The following WLS variants were observed in gnomAD, a reference collection of about 807,000 sequenced individuals.
WLS encodes protein wntless homolog.
Under a neutral mutation model 62.8 loss-of-function variants are expected in WLS, and 23 were observed. That is an observed-to-expected ratio of 0.37 (90% CI 0.26 to 0.52). The LOEUF is 0.52. Among genes scored for constraint, WLS ranks in the 20% least tolerant of loss-of-function variants. The probability of loss-of-function intolerance (pLI) is 0.92; values close to 1 mark genes in which losing one functional copy is unlikely to be tolerated. For missense variants in WLS, 615 were observed against 697.3 expected (o/e 0.88, Z 1.33); for synonymous variants, 246 against 244.1 (o/e 1.01, Z -0.07).
intron 11 of WLS, among the ~76,000 whole-genome samples, chr1:68,130,442 A>G (rs1646502178): frequency 6.6e-6 from 1 of 152,168 alleles, no homozygotes; most frequent in Non-Finnish European, 1.5e-5. Flanking sequence ...ATTCCAAACC[A>G]TCTGTGTCTA....
At chr1:68,224,469 G>C (rs1016071580) in intron 1 of WLS, among the ~76,000 whole-genome samples, 1 of 152,040 alleles carries the variant, frequency 6.6e-6, no homozygotes, top group Non-Finnish European at 1.5e-5. Context: ...CAGGACCTAC[G>C]ATGTATGCTA....
At chr1:68,106,716 CTGTGTGTGTGTG>C (rs59601112) in intron 11 of WLS, among the ~76,000 whole-genome samples, 4 of 146,712 alleles carry the variant, frequency 2.7e-5, no homozygotes, top group Non-Finnish European at 6.0e-5. Context: ...GTGTTTGTCA[CTGTGTGTGTGTG>C]TGTGTGTGTG....
chr1:68,190,706 G>C (rs1648242710), intron 2 of WLS, among the ~76,000 whole-genome samples: 1 of 152,124 alleles, frequency 6.6e-6, no homozygotes, highest in Admixed American at 6.5e-5. Flanking sequence ...CCTTGAGAGA[G>C]TTTGAGCCAG....
intron 11 of WLS, among the ~76,000 whole-genome samples, chr1:68,130,378 A>G (rs1431829482): frequency 4.6e-5 from 7 of 152,172 alleles, no homozygotes; most frequent in African/African-American, 1.7e-4. Context: ...GAGCTCCCAT[A>G]CCATGAGTTC....
intron 6 of WLS, among the ~76,000 whole-genome samples, chr1:68,149,062 A>G (rs1646791238): frequency 6.6e-6 from 1 of 152,274 alleles, no homozygotes. Context: ...AAGACATTAA[A>G]GCATTTAAAT....
intron 1 of WLS, among the ~76,000 whole-genome samples, chr1:68,205,369 T>C (rs1191143892): frequency 2.0e-5 from 3 of 152,216 alleles, no homozygotes; most frequent in African/African-American, 4.8e-5. Context: ...AGAAATTAGA[T>C]AGTAGGCAAA....
intron 9 of WLS, 123 bp downstream of exon 9, chr1:68,145,746 T>G: frequency 6.8e-7 from 1 of 1,471,304 alleles, no homozygotes. Context: ...AGATCCTACA[T>G]GAGAATCTCT....
At chr1:68,169,028 C>A (rs1570938914) in intron 2 of WLS, among the ~76,000 whole-genome samples, 1 of 152,206 alleles carries the variant, frequency 6.6e-6, no homozygotes, top group Non-Finnish European at 1.5e-5. Context: ...AATTATTTTG[C>A]AAACCAGCCT....
At chr1:68,108,202 A>C (rs549254070) in intron 11 of WLS, among the ~76,000 whole-genome samples, 1 of 152,304 alleles carries the variant, frequency 6.6e-6, no homozygotes, top group African/African-American at 2.4e-5. Flanking sequence ...ATGTTAGGAC[A>C]GGGAAGACTG....
chr1:68,127,556 A>G (rs1646452809), intron 11 of WLS, among the ~76,000 whole-genome samples: 1 of 142,254 alleles, frequency 7.0e-6, no homozygotes, highest in African/African-American at 2.6e-5. Context: ...GGAAAACGCA[A>G]CCACGCTCAG....
At chr1:68,149,032 G>A (rs1446094225) in intron 6 of WLS, among the ~76,000 whole-genome samples, 1 of 152,180 alleles carries the variant, frequency 6.6e-6, no homozygotes, top group Non-Finnish European at 1.5e-5. Flanking sequence ...AAAAGTGACT[G>A]ATCCTCAGAA....
At chr1:68,176,724 A>T (rs1305281705) in intron 2 of WLS, among the ~76,000 whole-genome samples, 1 of 152,216 alleles carries the variant, frequency 6.6e-6, no homozygotes, top group Non-Finnish European at 1.5e-5. Flanking sequence ...CATGATAGAA[A>T]AATATGGTCT....
intron 2 of WLS, among the ~76,000 whole-genome samples, chr1:68,166,178 C>A (rs1306415595): frequency 6.6e-6 from 1 of 152,148 alleles, no homozygotes; most frequent in Non-Finnish European, 1.5e-5. Flanking sequence ...ATGAAGTGGA[C>A]AGAATATTTT....
intron 1 of WLS, chr1:68,231,873 C>T (rs1386698757): frequency 8.1e-6 from 2 of 248,106 alleles, no homozygotes; most frequent in East Asian, 1.8e-4. Flanking sequence ...GGGGGGGGGG[C>T]GAGCAATCAA....
At chr1:68,131,924 CAG>C (rs1412167349) in intron 11 of WLS, among the ~76,000 whole-genome samples, 10 of 152,156 alleles carry the variant, frequency 6.6e-5, no homozygotes, top group Non-Finnish European at 8.8e-5. Flanking sequence ...ACAAGCCAGA[CAG>C]AGAGGTCTCG....
intron 1 of WLS, among the ~76,000 whole-genome samples, chr1:68,224,168 A>G (rs1275677632): frequency 6.6e-6 from 1 of 152,140 alleles, no homozygotes; most frequent in Non-Finnish European, 1.5e-5. Flanking sequence ...AAGAAAGAAT[A>G]CCCCTTGGCC....
intron 11 of WLS, among the ~76,000 whole-genome samples, chr1:68,107,850 C>G (rs1238729425): frequency 6.6e-6 from 1 of 152,092 alleles, no homozygotes; most frequent in Non-Finnish European, 1.5e-5. Flanking sequence ...GATTCAGACC[C>G]GGGTCTGCGG....
chr1:68,104,745 C>A (rs949693605), intron 11 of WLS, among the ~76,000 whole-genome samples: 5 of 152,154 alleles, frequency 3.3e-5, no homozygotes, highest in African/African-American at 4.8e-5. Context: ...GAGACCTCAT[C>A]TCTACTAAAA....
At chr1:68,136,470 G>A (rs1470076546) in intron 11 of WLS, among the ~76,000 whole-genome samples, 3 of 152,164 alleles carry the variant, frequency 2.0e-5, no homozygotes, top group Admixed American at 1.3e-4. Flanking sequence ...CCTAAAGAAA[G>A]GGTGCCAGGG....
Sources: gnomAD v4.1 joint callset for allele counts (sites outside exome capture counted in the v4.1 genomes callset) on GRCh38, gnomAD v4.1.1 for gene constraint, MANE v1.5 for transcripts, NCBI Gene and HGNC (gene_info 2026-07-23, HGNC 2026-07-21) for gene names.